MED9: variants seen among roughly 807,000 people sequenced by gnomAD.
The protein encoded by MED9 is mediator complex subunit 9.
Under a neutral mutation model 13.2 loss-of-function variants are expected in MED9, and 8 were observed. That is an observed-to-expected ratio of 0.61 (90% CI 0.36 to 1.10). The LOEUF (loss-of-function observed/expected upper bound fraction) is 1.10. MED9 is among the 50% of genes least tolerant of loss of function. The pLI is 0.02. For synonymous variants in MED9, 87 were observed against 82.8 expected (o/e 1.05, Z -0.28); for missense variants, 180 against 193.4 (o/e 0.93, Z 0.41).
chr17:17,479,003 C>A (rs1368281647), intron 1 of MED9, among the ~76,000 whole-genome samples: 1 of 152,134 alleles, frequency 6.6e-6, no homozygotes, highest in Non-Finnish European at 1.5e-5. Flanking sequence ...TTCTGATTAA[C>A]CCTAGTTTAC....
At chr17:17,486,324 ACTCT>A (rs2142474341) in intron 1 of MED9, 1 of 152,376 alleles carries the variant, frequency 6.6e-6, no homozygotes, top group African/African-American at 2.4e-5. Context: ...GCTGGAGCCC[ACTCT>A]CTCAGCTTGC....
At chr17:17,489,826 G>C (rs1044877439) in intron 1 of MED9, among the ~76,000 whole-genome samples, 3 of 152,188 alleles carry the variant, frequency 2.0e-5, no homozygotes, top group Non-Finnish European at 4.4e-5. Flanking sequence ...TGAGTTTAGA[G>C]CTGTTGGTAA....
intron 1 of MED9, chr17:17,477,675 A>T (rs150799033): frequency 1.4e-3 from 237 of 164,182 alleles, no homozygotes; most frequent in African/African-American, 4.9e-3. Context: ...GTGCTACGGG[A>T]TGGACGCAGT....
At chr17:17,480,596 C>T (rs866216259) in intron 1 of MED9, among the ~76,000 whole-genome samples, 1 of 152,050 alleles carries the variant, frequency 6.6e-6, no homozygotes, top group African/African-American at 2.4e-5. Flanking sequence ...GCTGAGGCTA[C>T]GGTGAGCCAT....
chr17:17,477,472 TATCCTTA>T, intron 1 of MED9: 1 of 572,522 alleles, frequency 1.7e-6, no homozygotes, highest in South Asian at 2.4e-5. Flanking sequence ...AGAGGTGCGA[TATCCTTA>T]AGAATGAAGC....
Position 17,492,872 on chromosome 17 carries a change from AAGG to A in MED9, c.*1383_*1385del, listed in dbSNP as rs1905267934. On this transcript the variant is annotated 3_prime_UTR_variant, in exon 2 of 2. Coordinates refer to ENST00000268711, the MANE Select transcript of MED9 (RefSeq NM_018019.3). ...CATATTGGGGACCTGGGAATGTGTG[AAGG>A]AGGAGATCAAATTTCAGTGGCTTTG... The A allele has an allele frequency of 6.6e-6, 1 of 152,282 alleles. No homozygotes were observed. The highest frequency in any genetic ancestry group is 1.5e-5 in the Non-Finnish European group (1 of 68,092). 9.4% of individuals were successfully genotyped at this position (152,282 alleles called of 1,614,324 possible).
At chr17:17,488,839 A>C (rs569893355) in intron 1 of MED9, among the ~76,000 whole-genome samples, 2 of 152,126 alleles carry the variant, frequency 1.3e-5, no homozygotes, top group African/African-American at 2.4e-5. Context: ...CTCAAAAAAA[A>C]AAAAGAAAAA....
rs1207959504 is a variant in MED9, at chr17:17,483,326, C to T, written c.224+6061C>T. ...CCTTTACTCAGGGATCTCTGCAGAC[C>T]ATTTTCAGATTGTCTGCCTGAATAA... On this transcript the variant is annotated intron_variant, in intron 1 of 1. Transcript: ENST00000268711. This position sits in a 1 kb window ranked among gnomAD's most constrained non-coding sequence, Gnocchi z 4.2. Among the ~76,000 whole-genome samples, 1 of 152,206 alleles carries T rather than the reference C, an allele frequency of 6.6e-6. No homozygotes were observed. Among genetic ancestry groups the T allele is most frequent in the African/African-American group, 2.4e-5 (1 of 41,436 alleles).
At chr17:17,478,095 A>G (rs577894630) in intron 1 of MED9, among the ~76,000 whole-genome samples, 2 of 152,320 alleles carry the variant, frequency 1.3e-5, no homozygotes, top group East Asian at 3.9e-4. Flanking sequence ...TCCTGGCCTC[A>G]AGCCATCCTC....
At chr17:17,484,357 C>A (rs979160495) in intron 1 of MED9, among the ~76,000 whole-genome samples, 1 of 152,260 alleles carries the variant, frequency 6.6e-6, no homozygotes, top group Non-Finnish European at 1.5e-5. Context: ...AAGTGATGAG[C>A]ACGCTGTCTG....
intron 1 of MED9, chr17:17,487,066 G>A (rs1905145241): frequency 6.6e-6 from 1 of 152,240 alleles, no homozygotes; most frequent in African/African-American, 2.4e-5. Context: ...CAAGGTTTGT[G>A]AATGCACCAA....
rs1164649997 is a variant in MED9, at chr17:17,493,065, C to T, written c.*1570C>T. ...ACCACGAAACATGAAGCACGTGGAA[C>T]TACAAGACCCCCGGGGTCTTTCTGA... On this transcript the variant is annotated 3_prime_UTR_variant, in exon 2 of 2. Coordinates refer to ENST00000268711, the MANE Select transcript of MED9 (RefSeq NM_018019.3). The T allele has an allele frequency of 2.0e-5, 3 of 152,198 alleles. No homozygotes were observed. Among genetic ancestry groups the T allele is most frequent in the African/African-American group, 4.8e-5 (2 of 41,442 alleles). The allele number at this position is 152,198 out of a possible 1,614,324, so 9.4% of individuals were successfully genotyped here. A position where few individuals can be genotyped will look rare whatever the true frequency, so the allele number is the denominator to read the frequency against.
At position 17,477,160 on chromosome 17, in the gene MED9, C is replaced by T; in HGVS notation, c.119C>T (p.Ala40Val). The change falls in exon 1 of 2, where the codon GCG becomes GTG. Residue 40 changes from alanine (A) to valine (V), a missense_variant. Ala to Val is a moderately conservative substitution (Grantham distance 64). Coordinates refer to ENST00000268711, the MANE Select transcript of MED9 (RefSeq NM_018019.3). ...LPPPQPPPVPAPQPQQSPAPR... is the reference protein window; with the variant it reads ...LPPPQPPPVPVPQPQQSPAPR... Reference sequence around the variant, plus strand: ...CCTCCTCAGCCGCCGCCGGTCCCTGCGCCTCAACCGCAGCAGTCGCCGGCG... The same window carrying T: ...CCTCCTCAGCCGCCGCCGGTCCCTGTGCCTCAACCGCAGCAGTCGCCGGCG... 1.2e-6 allele frequency: 2 copies of T among 1,609,252 alleles called. No individual in the cohort carries two copies. The highest frequency in any genetic ancestry group is 1.7e-6 in the Non-Finnish European group (2 of 1,177,952).
At chr17:17,479,605 G>A (rs1904993479) in intron 1 of MED9, among the ~76,000 whole-genome samples, 1 of 151,718 alleles carries the variant, frequency 6.6e-6, no homozygotes, top group Non-Finnish European at 1.5e-5. Context: ...CGAGCCGGTC[G>A]CTTGAGCCTG....
intron 1 of MED9, chr17:17,485,226 C>A: frequency 2.5e-6 from 1 of 394,026 alleles, no homozygotes; most frequent in Non-Finnish European, 4.5e-6. Context: ...GACAGGGTTT[C>A]GTCTCTGTCT....
Position 17,491,701 on chromosome 17 carries a change from T to A in MED9, c.*206T>A, listed in dbSNP as rs1381808063. 3 of 581,772 alleles carry A rather than the reference T, an allele frequency of 5.2e-6. No homozygotes were observed. Among genetic ancestry groups the A allele is most frequent in the South Asian group, 4.0e-5 (2 of 49,850 alleles). 36.0% of individuals were successfully genotyped at this position (581,772 alleles called of 1,614,324 possible). On this transcript the variant is annotated 3_prime_UTR_variant, in exon 2 of 2. Coordinates refer to ENST00000268711, the MANE Select transcript of MED9 (RefSeq NM_018019.3). ...CTGCGCCGGGGGTTCCTCGTGTAGA[T>A]CCATATGTCTAGATGCATAATAACT...
At position 17,483,474 on chromosome 17, in the gene MED9, C is replaced by T. The variant is rs949426971; in HGVS notation, c.224+6209C>T. ...TGCCCACAGAAATGCTGCACAGAGC[C>T]CTGTGAACCAGAGCCTCTCCTGTAC... On this transcript the variant is annotated intron_variant, in intron 1 of 1. Transcript: ENST00000268711. This position sits in a 1 kb window ranked among gnomAD's most constrained non-coding sequence, Gnocchi z 4.2. Among the ~76,000 whole-genome samples the T allele has an allele frequency of 6.6e-6, 1 of 152,186 alleles. No individual in the cohort carries two copies. The highest frequency in any genetic ancestry group is 2.4e-5 in the African/African-American group (1 of 41,442).
At chr17:17,486,320 G>C (rs1597851310) in intron 1 of MED9, 1 of 152,754 alleles carries the variant, frequency 6.5e-6, no homozygotes, top group Non-Finnish European at 1.5e-5. Context: ...CAAGGCTGGA[G>C]CCCACTCTCT....
At chr17:17,489,846 T>TGGC (rs1905199851) in intron 1 of MED9, among the ~76,000 whole-genome samples, 2 of 152,344 alleles carry the variant, frequency 1.3e-5, no homozygotes, top group Middle Eastern at 3.4e-3. Context: ...AATACTGAGC[T>TGGC]GGCCATGGTG....
Sources: allele counts gnomAD v4.1 joint callset (sites outside exome capture counted in the v4.1 genomes callset), GRCh38; gene constraint gnomAD v4.1.1; non-coding constraint Gnocchi (gnomAD v3.1); transcripts MANE v1.5; gene names NCBI Gene and HGNC (gene_info 2026-07-23, HGNC 2026-07-21).